Variants in NUDCD1 observed in about 807,000 individuals in gnomAD.
The protein encoded by NUDCD1 is NudC domain containing 1.
NUDCD1 carries 60 observed loss-of-function variants against 67.8 expected under a neutral mutation model. That is an observed-to-expected ratio of 0.88 (90% confidence interval 0.72 to 1.10). The LOEUF is 1.10. Among genes scored for constraint, NUDCD1 ranks in the 50% least tolerant of loss-of-function variants. NUDCD1 has a pLI of 0.00. For synonymous variants in NUDCD1, 244 were observed against 230.8 expected (o/e 1.06, Z -0.52); for missense variants, 643 against 695.0 (o/e 0.93, Z 0.84).
At chr8:109,294,485 G>A (rs1814792482) in intron 3 of NUDCD1, among the ~76,000 whole-genome samples, 1 of 152,000 alleles carries the variant, frequency 6.6e-6, no homozygotes, top group African/African-American at 2.4e-5. Flanking sequence ...GGTTTTTATT[G>A]GTTGATTGGG....
chr8:109,280,995 C>T lies in NUDCD1; in HGVS notation c.1001G>A (p.Ser334Asn). Residue 334 changes from serine (S) to asparagine (N), a missense_variant, in exon 6 of 10, where the codon AGT (serine) becomes AAT (asparagine). Ser to Asn is a conservative substitution (Grantham distance 46, BLOSUM62 1). Coordinates refer to ENST00000239690, the MANE Select transcript of NUDCD1 (RefSeq NM_032869.4). ...KLYSSIDHES[S>N]TWIIKESNSL... is the part of the protein sequence containing the mutation. ...ATTACTCTCTTTAATTATCCATGTA[C>T]TGCTTTCATGATCAATAGATGAATA... The T allele has an allele frequency of 1.3e-6, 2 of 1,597,398 alleles. No individual in the cohort carries two copies. Among genetic ancestry groups the T allele is most frequent in the Non-Finnish European group, 1.7e-6 (2 of 1,165,648 alleles).
At chr8:109,275,732 A>G (rs1248195161) in intron 6 of NUDCD1, among the ~76,000 whole-genome samples, 1 of 152,172 alleles carries the variant, frequency 6.6e-6, no homozygotes, top group African/African-American at 2.4e-5. Context: ...GGTACATCAA[A>G]TGGCCTGAAG....
At chr8:109,262,830 T>C (rs1813896969) in intron 8 of NUDCD1, among the ~76,000 whole-genome samples, 1 of 151,406 alleles carries the variant, frequency 6.6e-6, no homozygotes, top group Non-Finnish European at 1.5e-5. Context: ...CCAAGGTGGG[T>C]GAATAACGAG....
chr8:109,330,846 A>G (rs1184118329), intron 1 of NUDCD1, among the ~76,000 whole-genome samples: 2 of 152,218 alleles, frequency 1.3e-5, no homozygotes, highest in Non-Finnish European at 2.9e-5. Flanking sequence ...ATGAGATCAC[A>G]TGGACACAGG....
At chr8:109,283,460 A>C (rs902137217) in intron 5 of NUDCD1, among the ~76,000 whole-genome samples, 3 of 152,194 alleles carry the variant, frequency 2.0e-5, no homozygotes, top group Admixed American at 6.5e-5. Context: ...AATACTATAC[A>C]AAATGAAGAT....
chr8:109,291,521 T>C (rs1416928104), intron 4 of NUDCD1, among the ~76,000 whole-genome samples: 1 of 152,204 alleles, frequency 6.6e-6, no homozygotes, highest in Non-Finnish European at 1.5e-5. Context: ...GTCCACATTT[T>C]CAAACTTATC....
At chr8:109,303,192 GC>G (rs1815029269) in intron 2 of NUDCD1, among the ~76,000 whole-genome samples, 1 of 152,110 alleles carries the variant, frequency 6.6e-6, no homozygotes, top group African/African-American at 2.4e-5. Context: ...TGTCCTACTC[GC>G]CCAGCAGCCA....
intron 1 of NUDCD1, 31 bp downstream of exon 1, chr8:109,333,862 A>ACACTC: frequency 6.2e-7 from 1 of 1,612,130 alleles, no homozygotes; most frequent in Non-Finnish European, 8.5e-7. Context: ...GGGGAAAGGA[A>ACACTC]CGGAGTACGA....
intron 3 of NUDCD1, among the ~76,000 whole-genome samples, chr8:109,293,981 A>G (rs200810241): frequency 1.3e-5 from 2 of 152,232 alleles, no homozygotes; most frequent in Middle Eastern, 3.4e-3. Flanking sequence ...AAATAATCCT[A>G]AAGTGTTTTT....
chr8:109,317,820 T>C (rs181247556), intron 2 of NUDCD1, among the ~76,000 whole-genome samples: 58 of 152,320 alleles, frequency 3.8e-4, no homozygotes, highest in African/African-American at 1.4e-3. Context: ...TCACACACCT[T>C]GCTTTAACGT....
intron 2 of NUDCD1, among the ~76,000 whole-genome samples, chr8:109,305,712 T>A (rs1220695466): frequency 1.3e-5 from 2 of 152,092 alleles, no homozygotes. Flanking sequence ...AGGCTGCTAA[T>A]CTTATTAAGA....
At chr8:109,320,540 C>G (rs1371858401) in intron 2 of NUDCD1, among the ~76,000 whole-genome samples, 1 of 152,130 alleles carries the variant, frequency 6.6e-6, no homozygotes, top group African/African-American at 2.4e-5. Context: ...TCATATTGCT[C>G]AAACACACAT....
chr8:109,280,965 T>A lies in NUDCD1; in HGVS notation c.1028+3A>T, dbSNP rs764383908. On this transcript the variant is annotated splice_donor_region_variant and intron_variant, in intron 6 of 9. Transcript: ENST00000239690. ...ATATTAAAGTAAAATTAAAAAAAAA[T>A]ACCTATTACTCTCTTTAATTATCCA... is the stretch of plus-strand genomic sequence containing the variant. 2.2e-6 allele frequency: 3 copies of A among 1,344,474 alleles called. No homozygotes were observed. The highest frequency in any genetic ancestry group is 3.1e-6 in the Non-Finnish European group (3 of 982,084). 83.3% of individuals were successfully genotyped at this position (1,344,474 alleles called of 1,614,324 possible).
intron 8 of NUDCD1, among the ~76,000 whole-genome samples, chr8:109,249,973 G>A (rs58645331): frequency 0.098 from 14,853 of 151,362 alleles, 777 homozygotes; most frequent in Middle Eastern, 0.14. Flanking sequence ...AGCCTCCTGA[G>A]TAGCTGGGAC....
At chr8:109,311,245 G>A (rs931012227) in intron 2 of NUDCD1, among the ~76,000 whole-genome samples, 1 of 152,152 alleles carries the variant, frequency 6.6e-6, no homozygotes, top group Non-Finnish European at 1.5e-5. Context: ...CTGCCAGAAT[G>A]GCCATAATCT....
chr8:109,274,231 C>A (rs1344422982), intron 7 of NUDCD1, among the ~76,000 whole-genome samples: 2 of 152,124 alleles, frequency 1.3e-5, no homozygotes, highest in African/African-American at 2.4e-5. Context: ...AATTGAAAAA[C>A]ATAAAACTGC....
chr8:109,311,200 A>T (rs1815239281), intron 2 of NUDCD1, among the ~76,000 whole-genome samples: 2 of 152,198 alleles, frequency 1.3e-5, no homozygotes, highest in Admixed American at 1.3e-4. Context: ...GGGAAATGCA[A>T]ATCAAAACTA....
chr8:109,260,019 T>A (rs1813828916), intron 8 of NUDCD1, among the ~76,000 whole-genome samples: 1 of 152,140 alleles, frequency 6.6e-6, no homozygotes, highest in Non-Finnish European at 1.5e-5. Context: ...ATTTACCAGA[T>A]TTTTATGAGG....
At chr8:109,275,961 A>C (rs944363900) in intron 6 of NUDCD1, among the ~76,000 whole-genome samples, 16 of 152,234 alleles carry the variant, frequency 1.1e-4, no homozygotes, top group Non-Finnish European at 2.4e-4. Flanking sequence ...AAGAGCCATA[A>C]TATATGATTA....
Sources: allele counts gnomAD v4.1 joint callset (sites outside exome capture counted in the v4.1 genomes callset), GRCh38; gene constraint gnomAD v4.1.1; transcripts MANE v1.5; gene names NCBI Gene and HGNC (gene_info 2026-07-23, HGNC 2026-07-21).